KSR1: variants seen among roughly 807,000 people sequenced by gnomAD.
KSR1 encodes kinase suppressor of ras 1, also known as kinase suppressor of ras.
KSR1 carries 35 observed loss-of-function variants against 92.9 expected under a neutral mutation model. That is an observed-to-expected ratio of 0.38 (90% confidence interval 0.29 to 0.50). KSR1 has a LOEUF of 0.50. KSR1 is among the 20% of genes least tolerant of loss of function. KSR1 has a pLI of 0.94. For missense variants in KSR1, 972 were observed against 1,158.5 expected, an observed-to-expected ratio of 0.84 and a Z score of 2.34; for synonymous variants, 467 against 472.6, an observed-to-expected ratio of 0.99 and a Z score of 0.15.
At chr17:27,609,943 T>G (rs887913739) in intron 16 of KSR1, 124 bp from the exon 17 acceptor site, 1 of 1,235,374 alleles carries the variant, frequency 8.1e-7, no homozygotes, top group Non-Finnish European at 1.1e-6. Context: ...GTGTTCTGGG[T>G]CTGGGTGTGT....
intron 1 of KSR1, among the ~76,000 whole-genome samples, chr17:27,547,611 TTTTTG>T (rs1360480439): frequency 4.6e-5 from 7 of 152,320 alleles, no homozygotes; most frequent in African/African-American, 1.4e-4. Flanking sequence ...TCACAGGTTT[TTTTTG>T]TTTTGTTTTG....
At chr17:27,589,634 TA>T (rs562716788) in intron 6 of KSR1, among the ~76,000 whole-genome samples, 8 of 152,254 alleles carry the variant, frequency 5.3e-5, no homozygotes, top group Non-Finnish European at 2.9e-5. Flanking sequence ...TGATATACGT[TA>T]AAAAAAATCT....
At chr17:27,578,290 C>G (rs1264534177) in intron 3 of KSR1, 1 of 155,574 alleles carries the variant, frequency 6.4e-6, no homozygotes, top group East Asian at 1.9e-4. Context: ...TATCTGAGGC[C>G]CCTGTCTTAT....
intron 2 of KSR1, among the ~76,000 whole-genome samples, chr17:27,551,264 A>G (rs2071387355): frequency 6.6e-6 from 1 of 152,082 alleles, no homozygotes; most frequent in African/African-American, 2.4e-5. Context: ...TGTGCAGCCT[A>G]CCCACCTGCC....
chr17:27,581,944 C>T (rs2072775954), intron 3 of KSR1, among the ~76,000 whole-genome samples: 1 of 152,168 alleles, frequency 6.6e-6, no homozygotes, highest in Non-Finnish European at 1.5e-5. Flanking sequence ...TCACAAGCCC[C>T]AGAGCACTTT....
chr17:27,468,819 C>A (rs893926211), intron 1 of KSR1, among the ~76,000 whole-genome samples: 4 of 152,154 alleles, frequency 2.6e-5, no homozygotes, highest in African/African-American at 9.7e-5. Flanking sequence ...GAAACCTGTT[C>A]TCAGACGGCT....
chr17:27,557,165 G>A (rs1003578181), intron 2 of KSR1, among the ~76,000 whole-genome samples: 5 of 152,184 alleles, frequency 3.3e-5, no homozygotes, highest in Admixed American at 2.6e-4. Flanking sequence ...GGGGCAGCTG[G>A]TCTGGTTTGG....
chr17:27,493,700 G>T (rs1319083850), intron 1 of KSR1, among the ~76,000 whole-genome samples: 1 of 152,110 alleles, frequency 6.6e-6, no homozygotes, highest in Non-Finnish European at 1.5e-5. Flanking sequence ...GCAGCATCAT[G>T]AAAAAGCCCA....
At chr17:27,477,853 T>C (rs1326235615) in intron 1 of KSR1, among the ~76,000 whole-genome samples, 1 of 152,124 alleles carries the variant, frequency 6.6e-6, no homozygotes, top group African/African-American at 2.4e-5. Context: ...GCTGGGACTA[T>C]AGATATGCGC....
chr17:27,610,196 T>C lies in KSR1; in HGVS notation c.2355T>C (p.Phe785=). 6.2e-7 allele frequency: 1 copy of C among 1,613,832 alleles called. No homozygotes were observed. The highest frequency in any genetic ancestry group is 1.1e-5 in the South Asian group (1 of 91,084). Residue 785 remains phenylalanine (F), a splice_region_variant and synonymous_variant, in exon 17 of 21, where the codon TTT becomes TTC. Coordinates refer to ENST00000644974, the MANE Select transcript of KSR1 (RefSeq NM_001394583.1). ...PFSKAADVYA[F]GTVWYELQAR... ...CCAAAGCTGCTGATGTCTATGCATTTGGGTGAGTAGGCCCCTGGTGCCCTG... is the reference window on the plus strand; with the variant it reads ...CCAAAGCTGCTGATGTCTATGCATTCGGGTGAGTAGGCCCCTGGTGCCCTG...
chr17:27,549,262 T>C (rs1377155357), intron 1 of KSR1, among the ~76,000 whole-genome samples: 1 of 152,204 alleles, frequency 6.6e-6, no homozygotes, highest in Non-Finnish European at 1.5e-5. Context: ...AAGTCACCAT[T>C]AGGAGGCCAC....
intron 2 of KSR1, among the ~76,000 whole-genome samples, chr17:27,564,640 G>GA (rs982866107): frequency 6.6e-6 from 1 of 151,910 alleles, no homozygotes; most frequent in African/African-American, 2.4e-5. Context: ...TCCCTTGGCT[G>GA]AAAAATAGCT....
In KSR1 at chr17:27,582,558, AG is replaced by A. The variant is rs567742430; in HGVS notation, c.521-86del. 259 of 1,172,638 alleles carry A rather than the reference AG, an allele frequency of 2.2e-4. 2 individuals carry two copies. The African/African-American group carries it at 3.3e-3, about 15-fold the overall frequency. The allele number at this position is 1,172,638 out of a possible 1,614,324, so 72.6% of individuals were successfully genotyped here. On this transcript the variant is annotated intron_variant, in intron 3 of 20. Transcript: ENST00000644974. ...TTAAGAAACAGTGCAGCCTCACACC[AG>A]GTGTTGAACATCTCTGGCCCCTAGC... is the stretch of plus-strand genomic sequence containing the variant.
intron 1 of KSR1, among the ~76,000 whole-genome samples, chr17:27,508,705 TTTTTTTTATTTATTTA>T (rs1400452781): frequency 1.5e-5 from 2 of 130,584 alleles, no homozygotes; most frequent in Middle Eastern, 3.8e-3. Context: ...TGGGCCTGAA[TTTTTTTTATTTATTTA>T]TTTATTTATT....
intron 1 of KSR1, among the ~76,000 whole-genome samples, chr17:27,533,071 A>C (rs936977311): frequency 6.6e-6 from 1 of 152,214 alleles, no homozygotes; most frequent in Admixed American, 6.5e-5. Context: ...TAGGCACCCC[A>C]AAAGTCTCAG....
At position 27,459,126 on chromosome 17, in the gene KSR1, C is replaced by T. The variant is rs1306666723; in HGVS notation, c.231+2252C>T. On this transcript the variant is annotated intron_variant, in intron 1 of 20. Coordinates refer to ENST00000644974, the MANE Select transcript of KSR1 (RefSeq NM_001394583.1). This position sits in a 1 kb window ranked among gnomAD's most constrained non-coding sequence, Gnocchi z 4.6. ...AATAGGAAGCCCCATGGCTTTCATA[C>T]TGGGCCTGGGTTCTGTCTGTGTGAC... 1.3e-5 allele frequency among the ~76,000 whole-genome samples: 2 copies of T among 152,208 alleles called. No homozygotes were observed. Among genetic ancestry groups the T allele is most frequent in the Non-Finnish European group, 2.9e-5 (2 of 68,040 alleles).
chr17:27,610,129 G>C lies in KSR1; in HGVS notation c.2288G>C (p.Arg763Pro). The change falls in exon 17 of 21, where the codon CGC (arginine) becomes CCC (proline). Residue 763 changes from arginine to proline, a missense_variant. Arg to Pro is a moderately radical substitution (Grantham distance 103, BLOSUM62 -2). Transcript: ENST00000644974. ...WLCYLAPEIVREMTPGKDEDQ... is the reference protein window; with the variant it reads ...WLCYLAPEIVPEMTPGKDEDQ... ...TGCTATCTGGCCCCTGAGATTGTAC[G>C]CGAGATGACCCCCGGGAAGGACGAG... 6.2e-7 allele frequency: 1 copy of C among 1,614,022 alleles called. No homozygotes were observed. Among genetic ancestry groups the C allele is most frequent in the Non-Finnish European group, 8.5e-7 (1 of 1,179,880 alleles).
intron 20 of KSR1, chr17:27,622,746 G>A (rs913350582): frequency 6.2e-6 from 1 of 160,916 alleles, no homozygotes; most frequent in African/African-American, 2.4e-5. Context: ...GTCAGCATTT[G>A]TCAAGAGCAT....
chr17:27,554,751 G>A (rs890194194), intron 2 of KSR1, among the ~76,000 whole-genome samples: 15 of 152,232 alleles, frequency 9.9e-5, no homozygotes, highest in Admixed American at 5.9e-4. Context: ...ACCATCCCCC[G>A]CTCCCTGTCC....
Sources: allele counts gnomAD v4.1 joint callset (sites outside exome capture counted in the v4.1 genomes callset), GRCh38; gene constraint gnomAD v4.1.1; non-coding constraint Gnocchi (gnomAD v3.1); transcripts MANE v1.5; gene names NCBI Gene and HGNC (gene_info 2026-07-23, HGNC 2026-07-21).